Variants in SCD5 observed in about 807,000 individuals in gnomAD.
SCD5 encodes the protein stearoyl-CoA desaturase 5.
A neutral mutation model predicts 30.4 loss-of-function variants in SCD5; 20 were observed. The ratio of observed to expected loss-of-function variants is 0.66; its 90% CI spans 0.46 to 0.96. The LOEUF is 0.96. SCD5 is among the 40% of genes least tolerant of loss of function. SCD5 has a pLI of 0.00. For synonymous variants in SCD5, 173 were observed against 176.4 expected, an observed-to-expected ratio of 0.98 and a Z score of 0.16; for missense variants, 381 against 443.3, an observed-to-expected ratio of 0.86 and a Z score of 1.26.
At chr4:82,780,435 C>T (rs1005254307) in intron 1 of SCD5, among the ~76,000 whole-genome samples, 1 of 152,204 alleles carries the variant, frequency 6.6e-6, no homozygotes, top group African/African-American at 2.4e-5. Flanking sequence ...GCACTTAGCA[C>T]ACACTAGGCC....
intron 1 of SCD5, among the ~76,000 whole-genome samples, chr4:82,735,409 G>C (rs1216888127): frequency 1.3e-5 from 2 of 152,196 alleles, no homozygotes; most frequent in Non-Finnish European, 2.9e-5. Context: ...AGTTGCTGGG[G>C]ATAGGCTCTG....
At chr4:82,670,000 G>A (rs1728273926) in intron 3 of SCD5, among the ~76,000 whole-genome samples, 1 of 152,102 alleles carries the variant, frequency 6.6e-6, no homozygotes, top group Non-Finnish European at 1.5e-5. Context: ...CTAATCACAA[G>A]GCTCTAGAAT....
intron 3 of SCD5, among the ~76,000 whole-genome samples, chr4:82,650,488 G>A (rs1279972416): frequency 6.6e-6 from 1 of 152,194 alleles, no homozygotes; most frequent in East Asian, 1.9e-4. Context: ...CTGAGCCCAG[G>A]AGTTCAAGAC....
rs189517501 is a variant in SCD5 at position 82,749,277 on chromosome 4, G to A, written c.233-43864C>T. Among the ~76,000 whole-genome samples, 552 of 152,260 alleles carry A rather than the reference G, an allele frequency of 3.6e-3. 13 individuals are homozygous for A. Among genetic ancestry groups the A allele is most frequent in the East Asian group, 0.011 (55 of 5,170 alleles). On this transcript the variant is annotated intron_variant, in intron 1 of 4. Coordinates refer to ENST00000319540, the MANE Select transcript of SCD5 (RefSeq NM_001037582.3). ...TGGAATATAGTGGTTACTTCAGAAA[G>A]TCTATTTATTCAGGCCTGTTGCAAC...
chr4:82,703,435 T>A (rs1244941084), intron 2 of SCD5, among the ~76,000 whole-genome samples: 1 of 152,228 alleles, frequency 6.6e-6, no homozygotes, highest in Admixed American at 6.5e-5. Context: ...CATTATTTTA[T>A]CTTCCTAGCA....
At chr4:82,636,227 G>T (rs1376884426) in intron 4 of SCD5, among the ~76,000 whole-genome samples, 1 of 151,894 alleles carries the variant, frequency 6.6e-6, no homozygotes, top group Non-Finnish European at 1.5e-5. Flanking sequence ...GATCACTTGG[G>T]GTCAGGAGTT....
intron 3 of SCD5, among the ~76,000 whole-genome samples, chr4:82,666,403 C>G (rs1381783155): frequency 3.9e-5 from 6 of 152,030 alleles, no homozygotes; most frequent in Non-Finnish European, 7.4e-5. Context: ...GTAGTCCCAC[C>G]TACTCGGGAG....
chr4:82,631,154 A>T lies in SCD5; in HGVS notation c.*173T>A. ...AAAAAAAACGAAAGTTTTTTCATTG[A>T]TAATTGTATTTCAACATTATTTTGA... On this transcript the variant is annotated 3_prime_UTR_variant, in exon 5 of 5. Coordinates refer to ENST00000319540, the MANE Select transcript of SCD5 (RefSeq NM_001037582.3). 1 of 514,336 alleles carries T rather than the reference A, an allele frequency of 1.9e-6. No homozygotes were observed. Among genetic ancestry groups the T allele is most frequent in the Non-Finnish European group, 3.3e-6 (1 of 305,554 alleles). 31.9% of individuals were successfully genotyped at this position (514,336 alleles called of 1,614,324 possible).
intron 1 of SCD5, among the ~76,000 whole-genome samples, chr4:82,730,672 G>A (rs1362573247): frequency 3.6e-5 from 5 of 140,004 alleles, no homozygotes; most frequent in Non-Finnish European, 6.0e-5. Flanking sequence ...TGCATGCTCT[G>A]CCTCCCGGGT....
chr4:82,730,864 G>A (rs775579635), intron 1 of SCD5, among the ~76,000 whole-genome samples: 15 of 152,110 alleles, frequency 9.9e-5, no homozygotes, highest in Non-Finnish European at 1.9e-4. Flanking sequence ...GATTACAGGC[G>A]TGAGCCACAG....
intron 1 of SCD5, among the ~76,000 whole-genome samples, chr4:82,756,959 G>T (rs1721247480): frequency 6.6e-6 from 1 of 152,066 alleles, no homozygotes; most frequent in African/African-American, 2.4e-5. Context: ...TCTGCCTCCT[G>T]GGCTCAAGTA....
intron 2 of SCD5, among the ~76,000 whole-genome samples, chr4:82,689,223 T>C (rs1728777146): frequency 6.6e-6 from 1 of 152,170 alleles, no homozygotes; most frequent in Non-Finnish European, 1.5e-5. Flanking sequence ...GTATATTTTG[T>C]TGTGCCGGAA....
intron 1 of SCD5, chr4:82,753,320 G>A (rs772919350): frequency 1.9e-4 from 100 of 528,072 alleles, no homozygotes; most frequent in Middle Eastern, 6.4e-4. Context: ...GGGGGTGGGG[G>A]GTTCTGTGTA....
chr4:82,668,559 T>C (rs1012985827), intron 3 of SCD5, among the ~76,000 whole-genome samples: 4 of 152,198 alleles, frequency 2.6e-5, no homozygotes, highest in Non-Finnish European at 5.9e-5. Context: ...AAGTGATACA[T>C]GTAGAAAAGA....
chr4:82,642,604 G>A (rs928535227), intron 3 of SCD5, among the ~76,000 whole-genome samples: 4 of 152,168 alleles, frequency 2.6e-5, no homozygotes, highest in African/African-American at 2.4e-5. Context: ...TCCCCCAGGC[G>A]AGGTGCACTG....
intron 1 of SCD5, among the ~76,000 whole-genome samples, chr4:82,738,319 G>A (rs758680673): frequency 6.6e-5 from 10 of 150,876 alleles, no homozygotes; most frequent in Non-Finnish European, 1.3e-4. Flanking sequence ...CTACTCGGGA[G>A]ACTGAGGCAG....
intron 2 of SCD5, among the ~76,000 whole-genome samples, chr4:82,683,900 CTG>C (rs1224898078): frequency 6.6e-6 from 1 of 152,210 alleles, no homozygotes; most frequent in East Asian, 1.9e-4. Context: ...CCACGCAGAA[CTG>C]TGAGTCAATT....
intron 1 of SCD5, among the ~76,000 whole-genome samples, chr4:82,761,729 C>T (rs866487395): frequency 2.0e-5 from 3 of 152,042 alleles, no homozygotes; most frequent in Admixed American, 6.5e-5. Context: ...ATCCCTCCCC[C>T]CTCTCCCCAC....
intron 1 of SCD5, among the ~76,000 whole-genome samples, chr4:82,771,202 C>A (rs534463308): frequency 6.6e-6 from 1 of 152,306 alleles, no homozygotes; most frequent in African/African-American, 2.4e-5. Flanking sequence ...CTCCTGGGTT[C>A]AAGCAATCCT....
Sources: gnomAD v4.1 joint callset for allele counts (sites outside exome capture counted in the v4.1 genomes callset) on GRCh38, gnomAD v4.1.1 for gene constraint, MANE v1.5 for transcripts, NCBI Gene and HGNC (gene_info 2026-07-23, HGNC 2026-07-21) for gene names.